SAMD4B: variants seen among roughly 807,000 people sequenced by gnomAD.
SAMD4B encodes protein Smaug homolog 2.
Under a neutral mutation model 74.5 loss-of-function variants are expected in SAMD4B, and 5 were observed. The ratio of observed to expected loss-of-function variants is 0.07; its 90% CI spans 0.04 to 0.14. The LOEUF (loss-of-function observed/expected upper bound fraction) is 0.14, where lower values mean the gene tolerates loss of function less well. Among genes scored for constraint, SAMD4B ranks in the 10% least tolerant of loss-of-function variants. SAMD4B has a pLI of 1.00. For synonymous variants in SAMD4B, 373 were observed against 374.9 expected (o/e 1.00, Z 0.06); for missense variants, 608 against 921.8 (o/e 0.66, Z 4.41).
intron 4 of SAMD4B, among the ~76,000 whole-genome samples, chr19:39,372,185 C>G (rs1234960313): frequency 6.6e-6 from 1 of 152,124 alleles, no homozygotes. Context: ...ATGAAATAAG[C>G]ACGGGGTGGA....
intron 3 of SAMD4B, among the ~76,000 whole-genome samples, chr19:39,365,804 T>G (rs1458898123): frequency 6.6e-6 from 1 of 152,234 alleles, no homozygotes; most frequent in Non-Finnish European, 1.5e-5. Flanking sequence ...TTATTGCTAT[T>G]GTCAGTAGTA....
chr19:39,384,060 C>T lies in SAMD4B; in HGVS notation c.*533C>T. 1 of 349,720 alleles carries T rather than the reference C, an allele frequency of 2.9e-6. No homozygotes were observed. 21.7% of individuals were successfully genotyped at this position (349,720 alleles called of 1,614,324 possible). The stretch of plus-strand genomic sequence containing the variant: ...CTCTCCCTGCTTCCCCTTCACCATT[C>T]CCCACATTCTGCAAGGACAGGAGCC... On this transcript the variant is annotated 3_prime_UTR_variant, in exon 14 of 14. Transcript: ENST00000610417.
At chr19:39,365,276 G>A (rs1165449561) in intron 3 of SAMD4B, among the ~76,000 whole-genome samples, 4 of 150,616 alleles carry the variant, frequency 2.7e-5, no homozygotes, top group African/African-American at 4.9e-5. Flanking sequence ...CCTCCCTGCC[G>A]GACACCATGG....
chr19:39,389,120 C>T (rs755397883), downstream of SAMD4B: 3 of 1,614,164 alleles, frequency 1.9e-6, no homozygotes, highest in East Asian at 2.2e-5. This position sits in a 1 kb window ranked among gnomAD's most constrained non-coding sequence, Gnocchi z 5.3. Flanking sequence ...CAAAAGTCTT[C>T]TCAATGGCTG....
intron 1 of SAMD4B, among the ~76,000 whole-genome samples, chr19:39,347,446 C>G (rs2075769150): frequency 6.6e-6 from 1 of 152,218 alleles, no homozygotes; most frequent in African/African-American, 2.4e-5. Context: ...GATGAACTTT[C>G]TGAGCAGTGA....
At chr19:39,374,463 T>A (rs2077487317) in intron 4 of SAMD4B, among the ~76,000 whole-genome samples, 1 of 152,218 alleles carries the variant, frequency 6.6e-6, no homozygotes, top group Non-Finnish European at 1.5e-5. Context: ...GCTTACGTAC[T>A]TCATTCATTA....
intron 1 of SAMD4B, among the ~76,000 whole-genome samples, chr19:39,343,998 C>T (rs1056728009): frequency 4.2e-5 from 5 of 119,420 alleles, no homozygotes; most frequent in Admixed American, 3.5e-4. Context: ...CCCCCCCACA[C>T]ACACACACAG....
chr19:39,359,984 G>A (rs1055141138), intron 3 of SAMD4B: 1 of 152,088 alleles, frequency 6.6e-6, no homozygotes, highest in Non-Finnish European at 1.5e-5. Context: ...AGGAGATCGA[G>A]ACCATCCTGG....
intron 2 of SAMD4B, among the ~76,000 whole-genome samples, chr19:39,354,640 AGG>A (rs2076241517): frequency 6.6e-6 from 1 of 152,232 alleles, no homozygotes; most frequent in Non-Finnish European, 1.5e-5. Context: ...CAAATTATAT[AGG>A]AATGAAATAG....
chr19:39,356,624 A>C (rs1425687649), intron 2 of SAMD4B, 65 bp from the exon 3 acceptor site: 2 of 347,348 alleles, frequency 5.8e-6, no homozygotes, highest in Non-Finnish European at 1.1e-5. Flanking sequence ...TGCCCCCTCA[A>C]CCCACACTCA....
chr19:39,381,147 C>T (rs2077958922), intron 12 of SAMD4B, 34 bp downstream of exon 12: 1 of 1,552,696 alleles, frequency 6.4e-7, no homozygotes, highest in African/African-American at 1.4e-5. Context: ...TCTGCCTGGC[C>T]AACATCCTCA....
At position 39,384,448 on chromosome 19, in the gene SAMD4B, G is replaced by A. The variant is rs1449874645; in HGVS notation, c.*921G>A. 6.5e-6 allele frequency: 1 copy of A among 152,690 alleles called. No individual in the cohort carries two copies. The highest frequency in any genetic ancestry group is 1.9e-4 in the East Asian group (1 of 5,194). 9.5% of individuals were successfully genotyped at this position (152,690 alleles called of 1,614,324 possible). A position where few individuals can be genotyped will look rare whatever the true frequency, so the allele number is the denominator to read the frequency against. ...AACACACACCCTTCTCCGCTCCCAG[G>A]TCTGGTTGGTGAGACTTGGGAGTCA... is the stretch of plus-strand genomic sequence containing the variant. On this transcript the variant is annotated 3_prime_UTR_variant, in exon 14 of 14. Coordinates refer to ENST00000610417, the MANE Select transcript of SAMD4B (RefSeq NM_001384574.2).
chr19:39,389,286 C>T (rs772527590), downstream of SAMD4B: 1 of 1,613,408 alleles, frequency 6.2e-7, no homozygotes, highest in Non-Finnish European at 8.5e-7. This position sits in a 1 kb window ranked among gnomAD's most constrained non-coding sequence, Gnocchi z 5.3. Context: ...ACTTACTTGA[C>T]CTCAGGCTTC....
At position 39,357,025 on chromosome 19, in the gene SAMD4B, C is replaced by T. The variant is rs776030875; in HGVS notation, c.132C>T (p.Cys44=). 6.2e-7 allele frequency: 1 copy of T among 1,614,052 alleles called. No individual in the cohort carries two copies. Among genetic ancestry groups the T allele is most frequent in the Non-Finnish European group, 8.5e-7 (1 of 1,179,944 alleles). The stretch of plus-strand genomic sequence containing the variant: ...CCCAGGCCCGCTTCCTGCAGCTCTG[C>T]CTGGAGCACTCACTGGCGGACTGCA... ...TRTQARFLQL[C]LEHSLADCND... is the part of the protein sequence containing the mutation. The change falls in exon 3 of 14, where the codon TGC becomes TGT. Residue 44 remains cysteine (C), a synonymous_variant. Transcript: ENST00000610417.
chr19:39,382,235 G>T (rs1200335685), intron 12 of SAMD4B, among the ~76,000 whole-genome samples: 2 of 152,164 alleles, frequency 1.3e-5, no homozygotes, highest in African/African-American at 4.8e-5. Flanking sequence ...CACACAGTAG[G>T]CATCTGTAAA....
chr19:39,377,359 C>T, intron 7 of SAMD4B, 126 bp from the exon 8 acceptor site: 1 of 705,804 alleles, frequency 1.4e-6, no homozygotes, highest in East Asian at 2.7e-5. Context: ...TACATGCCTT[C>T]TCTATGTGCT....
chr19:39,346,270 GGT>G (rs1294483700), intron 1 of SAMD4B, among the ~76,000 whole-genome samples: 3 of 152,322 alleles, frequency 2.0e-5, no homozygotes, highest in Admixed American at 6.5e-5. Flanking sequence ...TCACAGAAAA[GGT>G]GGTATTTGGG....
At chr19:39,389,791 T>A, downstream of SAMD4B, 1 of 1,613,654 alleles carries the variant, frequency 6.2e-7, no homozygotes, top group South Asian at 1.1e-5. This position sits in a 1 kb window ranked among gnomAD's most constrained non-coding sequence, Gnocchi z 5.3. Flanking sequence ...TTGTGGTGTT[T>A]GGATTCCAGC....
intron 3 of SAMD4B, among the ~76,000 whole-genome samples, chr19:39,364,456 C>T (rs2076835431): frequency 6.6e-6 from 1 of 152,258 alleles, no homozygotes; most frequent in Admixed American, 6.5e-5. Context: ...CATCTCCCTA[C>T]ATCTTCTCAG....
Sources: allele counts gnomAD v4.1 joint callset (sites outside exome capture counted in the v4.1 genomes callset), GRCh38; gene constraint gnomAD v4.1.1; non-coding constraint Gnocchi (gnomAD v3.1); transcripts MANE v1.5; gene names NCBI Gene and HGNC (gene_info 2026-07-23, HGNC 2026-07-21).